Variants in NRG1 observed in about 807,000 individuals in gnomAD.
NRG1 encodes the protein neuregulin 1, also known as pro-neuregulin-1, membrane-bound isoform.
NRG1 carries 18 observed loss-of-function variants against 63.8 expected under a neutral mutation model. The ratio of observed to expected loss-of-function variants is 0.28; its 90% CI spans 0.19 to 0.42. The LOEUF is 0.42. Among genes scored for constraint, NRG1 ranks in the 10% least tolerant of loss-of-function variants. The probability of loss-of-function intolerance (pLI) is 1.00; values close to 1 mark genes in which losing one functional copy is unlikely to be tolerated. For synonymous variants in NRG1, 302 were observed against 301.3 expected (o/e 1.00, Z -0.02); for missense variants, 762 against 814.7 (o/e 0.94, Z 0.79).
intron 1 of NRG1, among the ~76,000 whole-genome samples, chr8:32,510,597 G>A (rs768967659): frequency 3.9e-5 from 6 of 152,114 alleles, no homozygotes; most frequent in Admixed American, 6.5e-5. Flanking sequence ...GGAGTAGAAG[G>A]TGAGGAAATG....
chr8:32,565,632 A>G (rs118095531), intron 1 of NRG1, among the ~76,000 whole-genome samples: 1,649 of 151,784 alleles, frequency 0.011, 13 homozygotes, highest in Middle Eastern at 0.044. Context: ...TCCCCCCTAA[A>G]CCTAGCAGTT....
At chr8:32,101,356 C>A (rs528758691) in intron 1 of NRG1, among the ~76,000 whole-genome samples, 5 of 151,788 alleles carry the variant, frequency 3.3e-5, no homozygotes, top group African/African-American at 1.2e-4. Context: ...TGCATGCACA[C>A]AAAGCAGCGT....
intron 1 of NRG1, among the ~76,000 whole-genome samples, chr8:31,921,868 G>C (rs544990276): frequency 6.6e-6 from 1 of 152,096 alleles, no homozygotes; most frequent in South Asian, 2.1e-4. Context: ...AAATAAAGTG[G>C]TACATAATAT....
At chr8:32,759,340 A>T (rs1161195441) in exon 10 of NRG1, 2 of 1,613,820 alleles carry the variant, frequency 1.2e-6, no homozygotes, top group Admixed American at 1.7e-5. Flanking sequence ...TCCAGTGAGC[A>T]TATTGTTGAG....
chr8:32,569,985 G>A (rs1470801237), intron 1 of NRG1, among the ~76,000 whole-genome samples: 1 of 143,980 alleles, frequency 6.9e-6, no homozygotes, highest in East Asian at 2.0e-4. Context: ...TTGGCTCACT[G>A]CAACCTCTGC....
intron 1 of NRG1, among the ~76,000 whole-genome samples, chr8:31,977,543 C>T (rs1808391314): frequency 6.6e-6 from 1 of 151,982 alleles, no homozygotes; most frequent in African/African-American, 2.4e-5. Flanking sequence ...CCAATTCATC[C>T]TATGCATCAA....
chr8:32,408,336 G>T (rs899542693), intron 1 of NRG1, among the ~76,000 whole-genome samples: 1 of 152,142 alleles, frequency 6.6e-6, no homozygotes, highest in Non-Finnish European at 1.5e-5. Context: ...CAGGGAGGGT[G>T]GGCCAGCTGG....
chr8:32,177,915 G>A (rs1288678205), intron 1 of NRG1, among the ~76,000 whole-genome samples: 1 of 152,040 alleles, frequency 6.6e-6, no homozygotes, highest in South Asian at 2.1e-4. Context: ...CTTGCAAAAG[G>A]ACTTTGTTGT....
At chr8:32,134,766 A>T (rs544940508) in intron 1 of NRG1, among the ~76,000 whole-genome samples, 1 of 152,072 alleles carries the variant, frequency 6.6e-6, no homozygotes, top group African/African-American at 2.4e-5. Flanking sequence ...CTGTAATCCT[A>T]GTGCCTTTTA....
intron 1 of NRG1, among the ~76,000 whole-genome samples, chr8:32,473,980 C>T (rs1308766288): frequency 6.6e-6 from 1 of 152,200 alleles, no homozygotes; most frequent in East Asian, 1.9e-4. Flanking sequence ...CCACTGAGCC[C>T]AGCCCCACCC....
At chr8:32,495,599 A>C (rs1474889933) in intron 1 of NRG1, among the ~76,000 whole-genome samples, 1 of 152,032 alleles carries the variant, frequency 6.6e-6, no homozygotes, top group Non-Finnish European at 1.5e-5. Flanking sequence ...AGCAGCTGGG[A>C]TTACAGGCGC....
intron 1 of NRG1, among the ~76,000 whole-genome samples, chr8:32,261,441 C>G (rs571717522): frequency 6.6e-6 from 1 of 151,374 alleles, no homozygotes. Context: ...GCAATGAATT[C>G]GAAACGGAGG....
chr8:32,178,731 T>TGGC (rs1377924379), intron 1 of NRG1, among the ~76,000 whole-genome samples: 1 of 152,128 alleles, frequency 6.6e-6, no homozygotes, highest in African/African-American at 2.4e-5. Context: ...TATGTGGTGG[T>TGGC]GGCATTGGTA....
At chr8:31,717,145 G>A (rs1000823652) in intron 1 of NRG1, among the ~76,000 whole-genome samples, 3 of 152,132 alleles carry the variant, frequency 2.0e-5, no homozygotes, top group Non-Finnish European at 4.4e-5. Flanking sequence ...AGTGGCTTAC[G>A]CCTGTAATCC....
intron 5 of NRG1, chr8:32,722,189 T>C (rs1368097650): frequency 1.4e-6 from 1 of 701,404 alleles, no homozygotes; most frequent in African/African-American, 1.8e-5. Flanking sequence ...TCCTAAAAGC[T>C]GTGGGTGAGG....
At chr8:32,254,147 GA>G (rs1949505588) in intron 1 of NRG1, among the ~76,000 whole-genome samples, 2 of 152,068 alleles carry the variant, frequency 1.3e-5, no homozygotes, top group Non-Finnish European at 2.9e-5. Flanking sequence ...CCAGCTCTTG[GA>G]TTCATTGATT....
At chr8:32,709,336 G>T (rs547087796) in intron 5 of NRG1, among the ~76,000 whole-genome samples, 2 of 152,206 alleles carry the variant, frequency 1.3e-5, no homozygotes, top group African/African-American at 4.8e-5. Context: ...GTGATTCTCA[G>T]ATTTCTTCCA....
chr8:31,928,266 AAATCAC>A (rs1436038475), intron 1 of NRG1, among the ~76,000 whole-genome samples: 6 of 151,480 alleles, frequency 4.0e-5, no homozygotes, highest in Non-Finnish European at 8.8e-5. Context: ...ATGCAAATTA[AAATCAC>A]AATGACATAC....
intron 1 of NRG1, among the ~76,000 whole-genome samples, chr8:32,448,066 A>G (rs1441825704): frequency 6.6e-6 from 1 of 152,168 alleles, no homozygotes; most frequent in Non-Finnish European, 1.5e-5. Flanking sequence ...TTCCTAAGCT[A>G]GCTTAGTTAT....
Sources: gnomAD v4.1 joint callset for allele counts (sites outside exome capture counted in the v4.1 genomes callset) on GRCh38, gnomAD v4.1.1 for gene constraint, MANE v1.5 for transcripts, NCBI Gene and HGNC (gene_info 2026-07-23, HGNC 2026-07-21) for gene names.